Variants in CATSPERD observed in about 807,000 individuals in gnomAD.
CATSPERD encodes catsper channel auxiliary subunit delta.
In CATSPERD, 86 loss-of-function variants were observed where a neutral mutation model predicts 98.1. The ratio of observed to expected loss-of-function variants is 0.88; its 90% CI spans 0.74 to 1.05. The LOEUF is 1.05. Among genes scored for constraint, CATSPERD ranks in the 50% least tolerant of loss-of-function variants. CATSPERD has a pLI of 0.00. For missense variants in CATSPERD, 995 were observed against 1,005.7 expected, an observed-to-expected ratio of 0.99 and a Z score of 0.14; for synonymous variants, 394 against 390.2, an observed-to-expected ratio of 1.01 and a Z score of -0.12.
intron 10 of CATSPERD, 123 bp from the exon 11 acceptor site, chr19:5,748,978 C>T: frequency 1.5e-6 from 1 of 652,360 alleles, no homozygotes; most frequent in African/African-American, 1.9e-5. Context: ...GATCCACCCC[C>T]CTCGGCCTCT....
Position 5,763,297 on chromosome 19 carries a change from G to A in CATSPERD, c.1506+4G>A. On this transcript the variant is annotated splice_donor_region_variant and intron_variant, in intron 16 of 21. Transcript: ENST00000381624. ...ATGTGTGGATATCAAGCCACTGGTA[G>A]GTCCCAAATCTTTGCTGTCCCATAT... The A allele has an allele frequency of 6.2e-7, 1 of 1,611,934 alleles. No individual in the cohort carries two copies.
intron 1 of CATSPERD, among the ~76,000 whole-genome samples, chr19:5,721,327 T>C (rs2055469411): frequency 6.6e-6 from 1 of 151,738 alleles, no homozygotes; most frequent in South Asian, 2.1e-4. Context: ...TTTTTCTTTT[T>C]GGAGCCGGAG....
chr19:5,766,126 C>G lies in CATSPERD; in HGVS notation c.1530C>G (p.Cys510Trp). 1 of 1,612,810 alleles carries G rather than the reference C, an allele frequency of 6.2e-7. No individual in the cohort carries two copies. The highest frequency in any genetic ancestry group is 8.5e-7 in the Non-Finnish European group (1 of 1,179,432). The change falls in exon 17 of 22, where the codon TGC (cysteine) becomes TGG (tryptophan). Residue 510 changes from cysteine (C) to tryptophan (W), a missense_variant. Transcript: ENST00000381624. Reference protein sequence around the residue: ...KPLSTLISVGCDLDKKIVIQN... With the variant: ...KPLSTLISVGWDLDKKIVIQN... ...AGTCGACACTGATTTCAGTTGGCTGCGACCTGGATAAAAAGATCGTCATCC... is the reference window on the plus strand; with the variant it reads ...AGTCGACACTGATTTCAGTTGGCTGGGACCTGGATAAAAAGATCGTCATCC...
rs922336341 is a variant in CATSPERD, at chr19:5,761,012, T to C, written c.1427+1868T>C. Among the ~76,000 whole-genome samples, 26 of 148,388 alleles carry C rather than the reference T, an allele frequency of 1.8e-4. 1 individual carries two copies. The highest frequency in any genetic ancestry group is 6.4e-4 in the African/African-American group (26 of 40,758). On this transcript the variant is annotated intron_variant, in intron 15 of 21. Coordinates refer to ENST00000381624, the MANE Select transcript of CATSPERD (RefSeq NM_152784.4). ...TTTTCACTGCTTCTTGAGTCAGTTTTGTGAAGTTTTTTTTATTTGTTTTGT... is the reference window on the plus strand; with the variant it reads ...TTTTCACTGCTTCTTGAGTCAGTTTCGTGAAGTTTTTTTTATTTGTTTTGT...
At chr19:5,723,040 TAGTC>T (rs2055526342) in intron 1 of CATSPERD, among the ~76,000 whole-genome samples, 1 of 151,092 alleles carries the variant, frequency 6.6e-6, no homozygotes, top group Non-Finnish European at 1.5e-5. Context: ...TACAAAAAAT[TAGTC>T]GGTGTGGTGG....
intron 13 of CATSPERD, among the ~76,000 whole-genome samples, chr19:5,756,609 AGGC>A (rs2056328105): frequency 6.6e-6 from 1 of 152,128 alleles, no homozygotes; most frequent in South Asian, 2.1e-4. Flanking sequence ...AATTTAAAGT[AGGC>A]TGGGCTAACT....
chr19:5,731,220 C>T (rs1417730904), intron 4 of CATSPERD, among the ~76,000 whole-genome samples: 1 of 152,108 alleles, frequency 6.6e-6, no homozygotes, highest in Non-Finnish European at 1.5e-5. Context: ...TGGTTCACGC[C>T]TGTAACCCCA....
At chr19:5,775,417 C>A (rs931964834) in intron 20 of CATSPERD, 1 of 351,774 alleles carries the variant, frequency 2.8e-6, no homozygotes, top group African/African-American at 2.3e-5. Context: ...GTGGGTAGAT[C>A]ACAAGGTCAG....
Position 5,754,162 on chromosome 19 carries a change from A to G in CATSPERD, c.1195A>G (p.Arg399Gly). The change falls in exon 13 of 22, where the codon AGG becomes GGG. Residue 399 changes from arginine to glycine, a missense_variant. Around this residue, in one of 3 missense-constraint regions of CATSPERD, gnomAD observed 762 missense variants for 773.7 expected, o/e 0.98. Coordinates refer to ENST00000381624, the MANE Select transcript of CATSPERD (RefSeq NM_152784.4). ...IEFLTGEFIY[R>G]MYTIDMHSQL... ...GTTTCTGACAGGAGAATTTATATAC[A>G]GGATGTATACCATTGACATGCACAG... 2 of 1,613,230 alleles carry G rather than the reference A, an allele frequency of 1.2e-6. No individual in the cohort carries two copies. The highest frequency in any genetic ancestry group is 1.7e-6 in the Non-Finnish European group (2 of 1,179,254).
At chr19:5,728,572 C>G (rs1180673323) in intron 3 of CATSPERD, among the ~76,000 whole-genome samples, 2 of 150,682 alleles carry the variant, frequency 1.3e-5, no homozygotes, top group Non-Finnish European at 3.0e-5. Context: ...ATCAACAGCT[C>G]TTTTATAAAT....
chr19:5,773,893 A>G (rs752524485), intron 20 of CATSPERD, among the ~76,000 whole-genome samples: 6 of 151,476 alleles, frequency 4.0e-5, no homozygotes, highest in East Asian at 1.9e-4. Flanking sequence ...CCGGGACACA[A>G]TGTTTTGTAT....
At chr19:5,758,923 CA>C (rs1002375684) in intron 14 of CATSPERD, among the ~76,000 whole-genome samples, 162 bp from the exon 15 acceptor site, 1,794 of 39,518 alleles carry the variant, frequency 0.045, 23 homozygotes, top group African/African-American at 0.14. Context: ...GACTCCATCT[CA>C]AAAAAAAAAA....
At chr19:5,738,273 G>A (rs2055886326) in intron 6 of CATSPERD, among the ~76,000 whole-genome samples, 1 of 151,038 alleles carries the variant, frequency 6.6e-6, no homozygotes, top group African/African-American at 2.4e-5. Context: ...CAGGCGTGCT[G>A]GCAGTCACCT....
rs2056084733 is a variant in CATSPERD at position 5,745,946 on chromosome 19, C to CGGA, written c.693_695dup (p.Arg231dup). The CGGA allele has an allele frequency of 6.2e-7, 1 of 1,613,988 alleles. No homozygotes were observed. Among genetic ancestry groups the CGGA allele is most frequent in the Admixed American group, 1.7e-5 (1 of 59,980 alleles). ...CAAGTACTCAGATCACCCCCTCAAC[C>CGGA]GGAGTTTCGGGCTGTCTTTTGACTA... On this transcript the variant is annotated inframe_insertion, in exon 9 of 22. Coordinates refer to ENST00000381624, the MANE Select transcript of CATSPERD (RefSeq NM_152784.4).
intron 17 of CATSPERD, among the ~76,000 whole-genome samples, 171 bp from the exon 18 acceptor site, chr19:5,767,997 C>T (rs138693693): frequency 1.0e-3 from 152 of 152,222 alleles, no homozygotes; most frequent in African/African-American, 3.6e-3. Flanking sequence ...GGGGTTTCCT[C>T]ATGTTGGCCA....
At position 5,754,296 on chromosome 19, in the gene CATSPERD, G is replaced by T. The variant is rs770085144; in HGVS notation, c.1278+51G>T. 3.1e-6 allele frequency: 4 copies of T among 1,305,848 alleles called. No homozygotes were observed. In the African/African-American group the frequency reaches 5.8e-5, roughly 19 times the overall value. 80.9% of individuals were successfully genotyped at this position (1,305,848 alleles called of 1,614,324 possible). ...ATCTGGGATTCTCAGCCACATGCCT[G>T]GTGCCCACTCCCAGATTCTGGAAAT... On this transcript the variant is annotated intron_variant, in intron 13 of 21. Coordinates refer to ENST00000381624, the MANE Select transcript of CATSPERD (RefSeq NM_152784.4).
In CATSPERD at chr19:5,761,351, G is replaced by A. The variant is rs150299576; in HGVS notation, c.1428-1864G>A. The stretch of plus-strand genomic sequence containing the variant: ...TCCTGACCTCAGGTGGTCCGTCCGC[G>A]TCAGCCTCCCAAAGTGCTAGAATTA... On this transcript the variant is annotated intron_variant, in intron 15 of 21. Coordinates refer to ENST00000381624, the MANE Select transcript of CATSPERD (RefSeq NM_152784.4). 1.4e-4 allele frequency among the ~76,000 whole-genome samples: 20 copies of A among 146,326 alleles called. No individual in the cohort carries two copies. In the South Asian group the frequency reaches 3.3e-3, roughly 24 times the overall value.
intron 21 of CATSPERD, among the ~76,000 whole-genome samples, chr19:5,776,846 C>G (rs1213869044): frequency 6.7e-6 from 1 of 149,116 alleles, no homozygotes; most frequent in African/African-American, 2.5e-5. Context: ...TCACTGGCCT[C>G]TAGCCTGGGT....
At position 5,724,828 on chromosome 19, in the gene CATSPERD, G is replaced by T. The variant is rs1568337912; in HGVS notation, c.92G>T (p.Gly31Val). ...TCTAGTTCTCGCACAGTGAGGACAG[G>T]AAAAGTGTTTAATCTGATACAGGAC... ...QLCRSRTVRT[G>V]KVFNLIQDVQ... The change falls in exon 2 of 22, where the codon GGA becomes GTA. Residue 31 changes from glycine to valine, a missense_variant. Around this residue, in one of 3 missense-constraint regions of CATSPERD, gnomAD observed 228 missense variants for 209.6 expected, o/e 1.09. Transcript: ENST00000381624. 1 of 1,614,112 alleles carries T rather than the reference G, an allele frequency of 6.2e-7. No individual in the cohort carries two copies. The highest frequency in any genetic ancestry group is 1.1e-5 in the South Asian group (1 of 91,088).
Sources: gnomAD v4.1 joint callset for allele counts (sites outside exome capture counted in the v4.1 genomes callset) on GRCh38, gnomAD v4.1.1 for gene constraint, gnomAD v4.1.1 regional missense constraint, MANE v1.5 for transcripts, NCBI Gene and HGNC (gene_info 2026-07-23, HGNC 2026-07-21) for gene names.